The following GNAI1 variants were observed in gnomAD, a reference collection of about 807,000 sequenced individuals.
The protein encoded by GNAI1 is G protein subunit alpha i1, also known as guanine nucleotide-binding protein G(i) subunit alpha-1.
Under a neutral mutation model 38.9 loss-of-function variants are expected in GNAI1, and 11 were observed. The ratio of observed to expected loss-of-function variants is 0.28; its 90% CI spans 0.18 to 0.47. The LOEUF (loss-of-function observed/expected upper bound fraction) is 0.47. Ranked by LOEUF, GNAI1 falls within the 20% of genes least tolerant of loss-of-function variation. The pLI, the probability that GNAI1 is intolerant of heterozygous loss-of-function variation, is 0.99. For missense variants in GNAI1, 317 were observed against 436.9 expected (o/e 0.73, Z 2.45); for synonymous variants, 166 against 145.1 (o/e 1.14, Z -1.04).
chr7:80,217,214 TCAGTTTC>T, intron 7 of GNAI1, 82 bp from the exon 8 acceptor site: 1 of 828,970 alleles, frequency 1.2e-6, no homozygotes, highest in Non-Finnish European at 1.8e-6. Context: ...GAAACTGACT[TCAGTTTC>T]ATATGTATGA....
chr7:80,208,312 T>C (rs1001910255), intron 5 of GNAI1, among the ~76,000 whole-genome samples: 2 of 152,224 alleles, frequency 1.3e-5, no homozygotes, highest in African/African-American at 4.8e-5. Flanking sequence ...ATAATGAAGA[T>C]ACTTCTAATA....
In GNAI1 at chr7:80,222,882, G is replaced by C. The variant is rs1193426252; in HGVS notation, c.*5389G>C. Among the ~76,000 whole-genome samples the C allele has an allele frequency of 6.6e-6, 1 of 152,078 alleles. No individual in the cohort carries two copies. Among genetic ancestry groups the C allele is most frequent in the East Asian group, 1.9e-4 (1 of 5,180 alleles). On this transcript the variant is annotated 3_prime_UTR_variant, in exon 8 of 8. Coordinates refer to ENST00000649796, the MANE Select transcript of GNAI1 (RefSeq NM_002069.6). ...CTGTAAGTTGATAATACCTTATTTTGAAAATGCATTTAATACACCTAACCT... is the reference window on the plus strand; with the variant it reads ...CTGTAAGTTGATAATACCTTATTTTCAAAATGCATTTAATACACCTAACCT...
At position 80,223,730 on chromosome 7, in the gene GNAI1, C is replaced by T. The variant is rs978625560; in HGVS notation, c.*6237C>T. On this transcript the variant is annotated 3_prime_UTR_variant, in exon 8 of 8. Transcript: ENST00000649796. Reference sequence around the variant, plus strand: ...TTACAAATATAAGTAATTACCTTTCCGTTTTAAGTGACCAATTGTCCTAGC... The same window carrying T: ...TTACAAATATAAGTAATTACCTTTCTGTTTTAAGTGACCAATTGTCCTAGC... 2.6e-5 allele frequency among the ~76,000 whole-genome samples: 4 copies of T among 152,206 alleles called. No homozygotes were observed. Among genetic ancestry groups the T allele is most frequent in the South Asian group, 2.1e-4 (1 of 4,824 alleles).
rs112146174 is a variant in GNAI1, at chr7:80,203,855, A to G, written c.590+23A>G. On this transcript the variant is annotated intron_variant, in intron 5 of 7. Transcript: ENST00000649796. ...TAAGTGAGTAGCTTTGAAATATATG[A>G]TTTCTAAATTTAGATAAAAACACAT... 33 of 1,339,826 alleles carry G rather than the reference A, an allele frequency of 2.5e-5. 2 individuals are homozygous for G. The African/African-American group carries it at 2.8e-4, about 11-fold the overall frequency. 83.0% of individuals were successfully genotyped at this position (1,339,826 alleles called of 1,614,324 possible).
At chr7:80,192,318 GT>G (rs1250534906) in intron 3 of GNAI1, among the ~76,000 whole-genome samples, 1 of 151,968 alleles carries the variant, frequency 6.6e-6, no homozygotes, top group Non-Finnish European at 1.5e-5. Flanking sequence ...ACCTTTAAAT[GT>G]TGTGTTTGTT....
At chr7:80,185,611 A>G (rs6956455) in intron 1 of GNAI1, among the ~76,000 whole-genome samples, 86,888 of 151,876 alleles carry the variant, frequency 0.57, 25,710 homozygotes, top group East Asian at 0.76. Flanking sequence ...GGTTTCCTCT[A>G]TCTCTGTTCG....
intron 1 of GNAI1, among the ~76,000 whole-genome samples, chr7:80,139,417 C>T (rs1787484237): frequency 6.6e-6 from 1 of 152,078 alleles, no homozygotes; most frequent in Admixed American, 6.5e-5. Context: ...ATACTTTTTC[C>T]TTAGGGCACC....
rs922580825 is a variant in GNAI1, at chr7:80,209,812, T to G, written c.591-1157T>G. Reference sequence around the variant, plus strand: ...AATTTACTGTCATTTATTTTGTTCTTGTTTGATCGTTATTACCAGCTATGT... The same window carrying G: ...AATTTACTGTCATTTATTTTGTTCTGGTTTGATCGTTATTACCAGCTATGT... On this transcript the variant is annotated intron_variant, in intron 5 of 7. Transcript: ENST00000649796. Among the ~76,000 whole-genome samples, 3 of 152,348 alleles carry G rather than the reference T, an allele frequency of 2.0e-5. No individual in the cohort carries two copies. The East Asian group carries it at 5.8e-4, about 29-fold the overall frequency.
At position 80,211,930 on chromosome 7, in the gene GNAI1, A is replaced by G. The variant is rs532381178; in HGVS notation, c.721-786A>G. On this transcript the variant is annotated intron_variant, in intron 6 of 7. Coordinates refer to ENST00000649796, the MANE Select transcript of GNAI1 (RefSeq NM_002069.6). ...ACGGGTTTAAGCTGCATGGGTCCAC[A>G]TATATGAAAATTTTTTTCAACCAAG... 1.3e-4 allele frequency among the ~76,000 whole-genome samples: 20 copies of G among 152,256 alleles called. No homozygotes were observed. The East Asian group carries it at 3.7e-3, about 28-fold the overall frequency.
At position 80,217,497 on chromosome 7, in the gene GNAI1, T is replaced by G. The variant is rs145986230; in HGVS notation, c.*4T>G. 6.0e-4 allele frequency: 940 copies of G among 1,567,532 alleles called. 4 individuals are homozygous for G. In the African/African-American group the frequency reaches 0.01, roughly 17 times the overall value. ...AAAAGATTGTGGTCTCTTTTAAGTTTTGCAGTTCATGGTAAAATGCATTTT... is the reference window on the plus strand; with the variant it reads ...AAAAGATTGTGGTCTCTTTTAAGTTGTGCAGTTCATGGTAAAATGCATTTT... On this transcript the variant is annotated 3_prime_UTR_variant, in exon 8 of 8. Transcript: ENST00000649796.
In GNAI1 at chr7:80,222,088, C is replaced by A. The variant is rs1199488016; in HGVS notation, c.*4595C>A. On this transcript the variant is annotated 3_prime_UTR_variant, in exon 8 of 8. Coordinates refer to ENST00000649796, the MANE Select transcript of GNAI1 (RefSeq NM_002069.6). Reference sequence around the variant, plus strand: ...TTTGCTTTGGTGTCTGTTGTGATTTCTCTTATTTAGTTGGATTTTGTAGTT... The same window carrying A: ...TTTGCTTTGGTGTCTGTTGTGATTTATCTTATTTAGTTGGATTTTGTAGTT... Among the ~76,000 whole-genome samples the A allele has an allele frequency of 6.6e-6, 1 of 151,978 alleles. No homozygotes were observed. Among genetic ancestry groups the A allele is most frequent in the Non-Finnish European group, 1.5e-5 (1 of 68,002 alleles).
chr7:80,170,450 C>T (rs1295883279), intron 1 of GNAI1, among the ~76,000 whole-genome samples: 3 of 152,124 alleles, frequency 2.0e-5, no homozygotes, highest in Non-Finnish European at 2.9e-5. Flanking sequence ...TGTACAAAAT[C>T]CCTAATGGAG....
At chr7:80,185,720 T>C (rs1362134938) in intron 1 of GNAI1, among the ~76,000 whole-genome samples, 1 of 152,118 alleles carries the variant, frequency 6.6e-6, no homozygotes, top group African/African-American at 2.4e-5. Flanking sequence ...AGCGTTACAC[T>C]CCCAGCCTCC....
chr7:80,215,371 G>C (rs1393687504), intron 7 of GNAI1, among the ~76,000 whole-genome samples: 1 of 152,122 alleles, frequency 6.6e-6, no homozygotes. Context: ...AGCTTCTGTG[G>C]GCCAACAAGA....
At chr7:80,135,845 AG>A in intron 1 of GNAI1, 1 of 985,196 alleles carries the variant, frequency 1.0e-6, no homozygotes, top group Non-Finnish European at 1.2e-6. Context: ...GTGGTCAAGG[AG>A]CGCTGATTAC....
chr7:80,173,278 T>C (rs867508215), intron 1 of GNAI1, among the ~76,000 whole-genome samples: 1 of 152,216 alleles, frequency 6.6e-6, no homozygotes, highest in Non-Finnish European at 1.5e-5. Context: ...TTATATCTTG[T>C]CTAAATATAC....
chr7:80,156,726 G>A (rs751214711), intron 1 of GNAI1, among the ~76,000 whole-genome samples: 9 of 152,282 alleles, frequency 5.9e-5, no homozygotes, highest in East Asian at 3.9e-4. Flanking sequence ...GAGCTGCTGT[G>A]CCCAGCTAAA....
At chr7:80,161,023 A>G (rs1787915653) in intron 1 of GNAI1, among the ~76,000 whole-genome samples, 2 of 152,170 alleles carry the variant, frequency 1.3e-5, no homozygotes, top group Admixed American at 1.3e-4. Context: ...GACTTTTAAA[A>G]TATAGTACTC....
rs1410301134 is a variant in GNAI1 at position 80,220,011 on chromosome 7, T to A, written c.*2518T>A. Among the ~76,000 whole-genome samples, 3 of 152,204 alleles carry A rather than the reference T, an allele frequency of 2.0e-5. No homozygotes were observed. Among genetic ancestry groups the A allele is most frequent in the Non-Finnish European group, 2.9e-5 (2 of 68,028 alleles). On this transcript the variant is annotated 3_prime_UTR_variant, in exon 8 of 8. Transcript: ENST00000649796. Reference sequence around the variant, plus strand: ...GGCATTATTAGTTAAATTCCCCACCTCCCATTTCTCTCTTCTCGAAAAACC... The same window carrying A: ...GGCATTATTAGTTAAATTCCCCACCACCCATTTCTCTCTTCTCGAAAAACC...
Sources: gnomAD v4.1 joint callset for allele counts (sites outside exome capture counted in the v4.1 genomes callset) on GRCh38, gnomAD v4.1.1 for gene constraint, MANE v1.5 for transcripts, NCBI Gene and HGNC (gene_info 2026-07-23, HGNC 2026-07-21) for gene names.